Variants in CTNND2 observed in about 807,000 individuals in gnomAD.
CTNND2 encodes the protein catenin delta-2.
CTNND2 carries 22 observed loss-of-function variants against 144.4 expected under a neutral mutation model. The ratio of observed to expected loss-of-function variants is 0.15; its 90% confidence interval spans 0.11 to 0.22. The LOEUF (loss-of-function observed/expected upper bound fraction) is 0.22. CTNND2 is among the 10% of genes least tolerant of loss of function. CTNND2 has a pLI of 1.00. For missense variants in CTNND2, 1,353 were observed against 1,618.8 expected (o/e 0.84, Z 2.82); for synonymous variants, 751 against 695.6 (o/e 1.08, Z -1.25).
intron 2 of CTNND2, among the ~76,000 whole-genome samples, chr5:11,578,487 C>G (rs893938469): frequency 3.3e-5 from 5 of 151,940 alleles, no homozygotes; most frequent in African/African-American, 4.8e-5. Flanking sequence ...ATGGTGAAAC[C>G]CCGTCTCTAC....
rs556514594 is a variant in CTNND2 at position 11,673,032 on chromosome 5, C to T, written c.174+59104G>A. 8.9e-4 allele frequency among the ~76,000 whole-genome samples: 135 copies of T among 152,200 alleles called. 1 individual carries two copies. The highest frequency in any genetic ancestry group is 8.3e-4 in the South Asian group (4 of 4,824). On this transcript the variant is annotated intron_variant, in intron 2 of 21. Coordinates refer to ENST00000304623, the MANE Select transcript of CTNND2 (RefSeq NM_001332.4). ...ATCGATCTTGCTGGGAGCTGCAGAC[C>T]GGAGCTGATCTATGAAACTAATATA...
At chr5:11,719,876 A>ACACACACACCCC (rs1016017967) in intron 2 of CTNND2, among the ~76,000 whole-genome samples, 6 of 144,300 alleles carry the variant, frequency 4.2e-5, no homozygotes, top group African/African-American at 1.3e-4. Flanking sequence ...ACACACACAC[A>ACACACACACCCC]CCACAGATCC....
At chr5:11,529,850 C>A (rs1773577839) in intron 3 of CTNND2, among the ~76,000 whole-genome samples, 1 of 151,944 alleles carries the variant, frequency 6.6e-6, no homozygotes, top group African/African-American at 2.4e-5. Flanking sequence ...TTACTCAGAA[C>A]AATACACACT....
intron 3 of CTNND2, among the ~76,000 whole-genome samples, chr5:11,499,722 C>A (rs1399938797): frequency 6.6e-6 from 1 of 152,128 alleles, no homozygotes; most frequent in Non-Finnish European, 1.5e-5. Context: ...TCTCTTGTCT[C>A]AAAGTTTTTT....
chr5:11,768,332 C>T (rs867935725), intron 1 of CTNND2, among the ~76,000 whole-genome samples: 22 of 151,976 alleles, frequency 1.4e-4, no homozygotes, highest in South Asian at 1.0e-3. Context: ...CTGTGTCACC[C>T]AGGCTGGAGT....
At chr5:11,232,336 A>T (rs1741122807) in intron 10 of CTNND2, among the ~76,000 whole-genome samples, 1 of 150,352 alleles carries the variant, frequency 6.7e-6, no homozygotes, top group Non-Finnish European at 1.5e-5. Flanking sequence ...AGCTGCAGAC[A>T]CTCAACATCA....
chr5:11,833,940 A>G (rs1401118833), intron 1 of CTNND2, among the ~76,000 whole-genome samples: 2 of 152,226 alleles, frequency 1.3e-5, no homozygotes, highest in African/African-American at 4.8e-5. Flanking sequence ...TTATACATCA[A>G]ATCCTGAATA....
At chr5:11,338,877 T>C (rs1580951006) in intron 9 of CTNND2, among the ~76,000 whole-genome samples, 1 of 152,330 alleles carries the variant, frequency 6.6e-6, no homozygotes, top group African/African-American at 2.4e-5. Context: ...CTCTCCCTTC[T>C]TCCTATCTTC....
chr5:11,804,927 A>C (rs1168052626), intron 1 of CTNND2, among the ~76,000 whole-genome samples: 1 of 152,208 alleles, frequency 6.6e-6, no homozygotes, highest in East Asian at 1.9e-4. Context: ...ACCTCACTGA[A>C]GAAGGTGAGA....
At chr5:11,811,688 A>G (rs4291010) in intron 1 of CTNND2, among the ~76,000 whole-genome samples, 146,554 of 152,172 alleles carry the variant, frequency 0.96, 70,819 homozygotes, top group East Asian at 1. Context: ...TAAGGATCAA[A>G]CAGAACAACT....
chr5:11,879,962 T>C (rs1262169319), intron 1 of CTNND2, among the ~76,000 whole-genome samples: 1 of 152,154 alleles, frequency 6.6e-6, no homozygotes, highest in Non-Finnish European at 1.5e-5. Flanking sequence ...CCTATCTCCA[T>C]GGCTATGGAA....
intron 10 of CTNND2, among the ~76,000 whole-genome samples, chr5:11,207,712 T>C (rs1449473451): frequency 6.6e-6 from 1 of 152,220 alleles, no homozygotes; most frequent in Admixed American, 6.5e-5. Context: ...TGGCTTTAGC[T>C]TTGTAAGTCC....
chr5:11,727,313 A>G (rs1421061142), intron 2 of CTNND2, among the ~76,000 whole-genome samples: 3 of 152,096 alleles, frequency 2.0e-5, no homozygotes, highest in Non-Finnish European at 2.9e-5. Context: ...CAATCTATCT[A>G]CAATCCTTCC....
intron 2 of CTNND2, among the ~76,000 whole-genome samples, chr5:11,713,161 G>C (rs539048967): frequency 3.3e-4 from 50 of 152,280 alleles, no homozygotes; most frequent in African/African-American, 1.2e-3. Context: ...TAGGATGACA[G>C]AAATCAATGT....
chr5:11,835,001 T>C (rs1012445384), intron 1 of CTNND2, among the ~76,000 whole-genome samples: 6 of 152,162 alleles, frequency 3.9e-5, no homozygotes, highest in African/African-American at 1.2e-4. Flanking sequence ...CAGCCAGGCA[T>C]GCTGGCACGT....
intron 6 of CTNND2, 93 bp from the exon 7 acceptor site, chr5:11,385,322 C>T (rs1561315665): frequency 1.1e-6 from 1 of 874,876 alleles, no homozygotes; most frequent in Non-Finnish European, 1.4e-6. Flanking sequence ...AGAGGCACAC[C>T]GGGGATGCCG....
intron 2 of CTNND2, among the ~76,000 whole-genome samples, chr5:11,584,052 A>G: frequency 6.6e-6 from 1 of 152,250 alleles, no homozygotes; most frequent in South Asian, 2.1e-4. Context: ...CTCGGCAAGT[A>G]AATTTAATTA....
chr5:11,597,219 G>C (rs1779555696), intron 2 of CTNND2, among the ~76,000 whole-genome samples: 2 of 152,146 alleles, frequency 1.3e-5, no homozygotes, highest in Admixed American at 1.3e-4. Flanking sequence ...TCCGAACAGT[G>C]CCTATACATT....
At chr5:11,614,702 A>C (rs975929317) in intron 2 of CTNND2, among the ~76,000 whole-genome samples, 1 of 152,208 alleles carries the variant, frequency 6.6e-6, no homozygotes, top group African/African-American at 2.4e-5. Context: ...TAGGGCAGTG[A>C]TGAACTACAG....
Sources: allele counts gnomAD v4.1 joint callset (sites outside exome capture counted in the v4.1 genomes callset), GRCh38; gene constraint gnomAD v4.1.1; transcripts MANE v1.5; gene names NCBI Gene and HGNC (gene_info 2026-07-23, HGNC 2026-07-21).